ZNF699: variants seen among roughly 807,000 people sequenced by gnomAD.
ZNF699 encodes the protein hangover homolog.
Under a neutral mutation model 22.5 loss-of-function variants are expected in ZNF699, and 18 were observed. That is an observed-to-expected ratio of 0.80 (90% CI 0.55 to 1.19). The LOEUF (loss-of-function observed/expected upper bound fraction) is 1.19, where lower values mean the gene tolerates loss of function less well. Ranked by LOEUF, ZNF699 falls within the 50% of genes most tolerant of loss-of-function variation. ZNF699 has a pLI of 0.00. For synonymous variants in ZNF699, 241 were observed against 262.3 expected (o/e 0.92, Z 0.78); for missense variants, 670 against 763.4 (o/e 0.88, Z 1.44).
At chr19:9,304,933 A>C (rs2066321765) in intron 2 of ZNF699, 139 bp downstream of exon 2, 2 of 602,538 alleles carry the variant, frequency 3.3e-6, no homozygotes, top group East Asian at 3.3e-5. Context: ...AAAAAAAAAA[A>C]AAAAAAACTA....
In ZNF699 at chr19:9,296,059, A is replaced by C; in HGVS notation, c.1345T>G (p.Cys449Gly). Residue 449 changes from cysteine (C) to glycine (G), a missense_variant, in exon 6 of 6, where the codon TGT becomes GGT. Cys to Gly is a radical substitution (Grantham distance 159). Coordinates refer to ENST00000591998, the MANE Select transcript of ZNF699 (RefSeq NM_198535.3). The part of the protein sequence containing the change: ...KNQSREKPYE[C>G]KECGKAFSCP... ...CTAAAGGCCTTCCCACATTCCTTAC[A>C]TTCATAGGGTTTCTCTCGACTTTGA... 1 of 1,614,136 alleles carries C rather than the reference A, an allele frequency of 6.2e-7. No individual in the cohort carries two copies. Among genetic ancestry groups the C allele is most frequent in the African/African-American group, 1.3e-5 (1 of 75,026 alleles).
Position 9,295,046 on chromosome 19 carries a change from CT to C in ZNF699, c.*428del, listed in dbSNP as rs2066279399. On this transcript the variant is annotated 3_prime_UTR_variant, in exon 6 of 6. Transcript: ENST00000591998. ...CTTTTTTAAAAAAGACCACTGCTGC[CT>C]ATACAGAAAAAATATTTCGTGTCCT... 1.8e-5 allele frequency: 3 copies of C among 164,400 alleles called. No individual in the cohort carries two copies. Among genetic ancestry groups the C allele is most frequent in the Admixed American group, 1.8e-4 (3 of 16,548 alleles). 10.2% of individuals were successfully genotyped at this position (164,400 alleles called of 1,614,324 possible).
Position 9,294,446 on chromosome 19 carries a change from A to G in ZNF699, c.*1029T>C, listed in dbSNP as rs1000541152. On this transcript the variant is annotated 3_prime_UTR_variant, in exon 6 of 6. Transcript: ENST00000591998. ...ACCATCACGTCCAGCTATAACATTCAGTTTTGAGCAAATATTGATCAATGA... is the reference window on the plus strand; with the variant it reads ...ACCATCACGTCCAGCTATAACATTCGGTTTTGAGCAAATATTGATCAATGA... 2.0e-5 allele frequency: 3 copies of G among 152,140 alleles called. No homozygotes were observed. Among genetic ancestry groups the G allele is most frequent in the East Asian group, 3.8e-4 (2 of 5,200 alleles). The allele number at this position is 152,140 out of a possible 1,614,324, so 9.4% of individuals were successfully genotyped here.
intron 2 of ZNF699, among the ~76,000 whole-genome samples, chr19:9,304,745 G>A (rs1195795606): frequency 6.6e-6 from 1 of 152,076 alleles, no homozygotes; most frequent in African/African-American, 2.4e-5. Context: ...CCAACATGGT[G>A]AAACCCCATC....
In ZNF699 at chr19:9,295,239, GA is replaced by G; in HGVS notation, c.*235del. On this transcript the variant is annotated 3_prime_UTR_variant, in exon 6 of 6. Coordinates refer to ENST00000591998, the MANE Select transcript of ZNF699 (RefSeq NM_198535.3). The stretch of plus-strand genomic sequence containing the variant: ...CAACGAGCCAGCATTCTACTTTAAG[GA>G]TGAGGCACTGATCTTCATTTCTAGT... The G allele has an allele frequency of 2.0e-6, 1 of 505,732 alleles. No individual in the cohort carries two copies. The highest frequency in any genetic ancestry group is 3.7e-5 in the Admixed American group (1 of 27,120). The allele number at this position is 505,732 out of a possible 1,614,324, so 31.3% of individuals were successfully genotyped here. A position where few individuals can be genotyped will look rare whatever the true frequency, so the allele number is the denominator to read the frequency against.
At position 9,302,376 on chromosome 19, in the gene ZNF699, A is replaced by C; in HGVS notation, c.175+2T>G. ...TACATGAAAGAATCTTGCCATTCTT[A>C]CCTAGTGAGGCCAGGTTCTGGAAGT... On this transcript the variant is annotated splice_donor_variant, in intron 3 of 5. Coordinates refer to ENST00000591998, the MANE Select transcript of ZNF699 (RefSeq NM_198535.3). LOFTEE classifies it high-confidence loss of function. 6.2e-7 allele frequency: 1 copy of C among 1,613,642 alleles called. No individual in the cohort carries two copies. The highest frequency in any genetic ancestry group is 8.5e-7 in the Non-Finnish European group (1 of 1,179,660).
chr19:9,295,762 T>G lies in ZNF699; in HGVS notation c.1642A>C (p.Ile548Leu), dbSNP rs1473846704. The change falls in exon 6 of 6, where the codon ATC becomes CTC. Residue 548 changes from isoleucine (I) to leucine (L), a missense_variant. Coordinates refer to ENST00000591998, the MANE Select transcript of ZNF699 (RefSeq NM_198535.3). ...TCCCCAGTGTGCGTTCTCATGTGGA[T>G]CCTAAGGGCTGAGGGATAAATAAAG... ...KAFIYPSALR[I>L]HMRTHTGEKP... 6.2e-7 allele frequency: 1 copy of G among 1,613,910 alleles called. No individual in the cohort carries two copies. Among genetic ancestry groups the G allele is most frequent in the South Asian group, 1.1e-5 (1 of 91,058 alleles).
Position 9,297,809 on chromosome 19 carries a change from G to GT in ZNF699, c.286+70dup. 2 of 1,207,578 alleles carry GT rather than the reference G, an allele frequency of 1.7e-6. No individual in the cohort carries two copies. Among genetic ancestry groups the GT allele is most frequent in the Admixed American group, 3.6e-5 (2 of 56,288 alleles). The allele number at this position is 1,207,578 out of a possible 1,614,324, so 74.8% of individuals were successfully genotyped here. A position where few individuals can be genotyped will look rare whatever the true frequency, so the allele number is the denominator to read the frequency against. On this transcript the variant is annotated intron_variant, in intron 4 of 5. Transcript: ENST00000591998. The surrounding 1 kb of genome is among the most constrained non-coding windows in gnomAD (Gnocchi z 4.3). ...GATGAGCTTCCTCATATAAAACAAA[G>GT]TTTGTTTTTGTTTTTTACTTTAAGT...
chr19:9,297,871 G>A lies in ZNF699; in HGVS notation c.286+9C>T, dbSNP rs1320850414. On this transcript the variant is annotated intron_variant, in intron 4 of 5. Transcript: ENST00000591998. The surrounding 1 kb of genome is among the most constrained non-coding windows in gnomAD (Gnocchi z 4.3). ...CCCAACCAAAACAGTTTCTCCCAAG[G>A]GTTCTTGCCTTCCCGGTGCTCTCCC... The A allele has an allele frequency of 3.7e-6, 6 of 1,601,358 alleles. 1 individual carries two copies. The highest frequency in any genetic ancestry group is 5.1e-6 in the Non-Finnish European group (6 of 1,169,238).
Position 9,295,863 on chromosome 19 carries a change from C to G in ZNF699, c.1541G>C (p.Ser514Thr). The G allele has an allele frequency of 6.2e-7, 1 of 1,613,502 alleles. No individual in the cohort carries two copies. The highest frequency in any genetic ancestry group is 8.5e-7 in the Non-Finnish European group (1 of 1,179,824). Residue 514 changes from serine (S) to threonine (T), a missense_variant, in exon 6 of 6, where the codon AGT becomes ACT. Transcript: ENST00000591998. Reference sequence around the variant, plus strand: ...GATATGTACTGTAAGGTGGGAGGAACTAATAAAGGCTTTCCCACATTCTTT... The same window carrying G: ...GATATGTACTGTAAGGTGGGAGGAAGTAATAAAGGCTTTCCCACATTCTTT... ...ECKECGKAFI[S>T]SSHLTVHIRT...
At position 9,295,901 on chromosome 19, in the gene ZNF699, C is replaced by G; in HGVS notation, c.1503G>C (p.Lys501Asn). ...TCCCACATTCTTTACATTCATACGG[C>G]TTCTCTCCGCTGTGAGTTCTTAGGT... ...TEHLRTHSGE[K>N]PYECKECGKA... is the part of the protein sequence containing the mutation. The change falls in exon 6 of 6, where the codon AAG becomes AAC. Residue 501 changes from lysine (K) to asparagine (N), a missense_variant. By Grantham distance (94) the Lys-to-Asn change is moderately conservative. Transcript: ENST00000591998. 1 of 1,613,764 alleles carries G rather than the reference C, an allele frequency of 6.2e-7. No individual in the cohort carries two copies.
chr19:9,302,060 G>A (rs763752934), intron 3 of ZNF699, among the ~76,000 whole-genome samples: 1 of 151,866 alleles, frequency 6.6e-6, no homozygotes, highest in Admixed American at 6.6e-5. Flanking sequence ...GCACCACCAC[G>A]CCTGGCTAAT....
Position 9,291,713 on chromosome 19 carries a change from T to TC in ZNF699, c.*3761_*3762insG, listed in dbSNP as rs1160445607. On this transcript the variant is annotated 3_prime_UTR_variant, in exon 6 of 6. Transcript: ENST00000591998. ...TTAAAGATTAAGCAGCAATCTTTTT[T>TC]TTTTTTTTTTTTTGACACGGAGTCT... 1 of 151,068 alleles carries TC rather than the reference T, an allele frequency of 6.6e-6. No homozygotes were observed. The highest frequency in any genetic ancestry group is 1.9e-4 in the East Asian group (1 of 5,168). 9.4% of individuals were successfully genotyped at this position (151,068 alleles called of 1,614,324 possible). A position where few individuals can be genotyped will look rare whatever the true frequency, so the allele number is the denominator to read the frequency against.
rs768391775 is a variant in ZNF699, at chr19:9,292,343, A to G, written c.*3132T>C. Among the ~76,000 whole-genome samples, 4 of 152,194 alleles carry G rather than the reference A, an allele frequency of 2.6e-5. No homozygotes were observed. In the South Asian group the frequency reaches 8.3e-4, roughly 32 times the overall value. On this transcript the variant is annotated 3_prime_UTR_variant, in exon 6 of 6. Transcript: ENST00000591998. ...CTAGAGTACAGTGGGCAAGTGAGCCAATCAGAGCCAACGAGATTCAATTCT... is the reference window on the plus strand; with the variant it reads ...CTAGAGTACAGTGGGCAAGTGAGCCGATCAGAGCCAACGAGATTCAATTCT...
Position 9,295,567 on chromosome 19 carries a change from T to C in ZNF699, c.1837A>G (p.Lys613Glu). ...CCACATTCCTTACATTCATAGGGTT[T>C]CTCTCCAGTGTGGCTTCTCACATGC... ...RRHVRSHTGE[K>E]PYECKECGKA... Residue 613 changes from lysine to glutamate, a missense_variant, in exon 6 of 6, where the codon AAA becomes GAA. By Grantham distance (56) the Lys-to-Glu change is moderately conservative (BLOSUM62 1). Coordinates refer to ENST00000591998, the MANE Select transcript of ZNF699 (RefSeq NM_198535.3). 1 of 1,614,200 alleles carries C rather than the reference T, an allele frequency of 6.2e-7. No homozygotes were observed. Among genetic ancestry groups the C allele is most frequent in the South Asian group, 1.1e-5 (1 of 91,082 alleles).
In ZNF699 at chr19:9,293,928, T is replaced by TAAA. The variant is rs144833884; in HGVS notation, c.*1544_*1546dup. 9.1e-5 allele frequency among the ~76,000 whole-genome samples: 13 copies of TAAA among 142,860 alleles called. No individual in the cohort carries two copies. The highest frequency in any genetic ancestry group is 3.6e-3 in the Middle Eastern group (1 of 280). The allele number at this position is 142,860 out of a possible 152,430, so 93.7% of individuals were successfully genotyped here. A position where few individuals can be genotyped will look rare whatever the true frequency, so the allele number is the denominator to read the frequency against. ...CTGAAGCAATTCATCTTCTTACATT[T>TAAA]AAAAAAAAAAAAAAAGCAGTAAAAT... On this transcript the variant is annotated 3_prime_UTR_variant, in exon 6 of 6. Coordinates refer to ENST00000591998, the MANE Select transcript of ZNF699 (RefSeq NM_198535.3).
Position 9,296,305 on chromosome 19 carries a change from C to A in ZNF699, c.1099G>T (p.Glu367Ter), listed in dbSNP as rs779316126. ...GACTCGCTGAAGGCCTTCCCACACT[C>A]TTTACATTCATAAGGCTTCTCTCCA... ...HTGEKPYECK[E>*]CGKAFSESSK... is the part of the protein sequence containing the mutation. The change falls in exon 6 of 6, where the codon GAG becomes TAG. Residue 367 changes from glutamate (E) to a stop codon, truncating the protein, a stop_gained. Transcript: ENST00000591998. LOFTEE classifies it low-confidence loss of function (END_TRUNC). 6 of 1,613,870 alleles carry A rather than the reference C, an allele frequency of 3.7e-6. No individual in the cohort carries two copies. Among genetic ancestry groups the A allele is most frequent in the Non-Finnish European group, 5.1e-6 (6 of 1,179,950 alleles).
intron 1 of ZNF699, among the ~76,000 whole-genome samples, chr19:9,308,734 A>G (rs2066336592): frequency 6.6e-6 from 1 of 152,262 alleles, no homozygotes; most frequent in African/African-American, 2.4e-5. Flanking sequence ...GAAACAAGAC[A>G]GGATGTAAAT....
chr19:9,298,147 A>T (rs576775957), intron 3 of ZNF699, among the ~76,000 whole-genome samples, 157 bp from the exon 4 acceptor site: 341 of 151,650 alleles, frequency 2.2e-3, no homozygotes, highest in Non-Finnish European at 3.5e-3. Context: ...TTTTTTTTTT[A>T]AAAAAAGGAG....
Sources: gnomAD v4.1 joint callset for allele counts (sites outside exome capture counted in the v4.1 genomes callset) on GRCh38, gnomAD v4.1.1 for gene constraint, Gnocchi (gnomAD v3.1) non-coding constraint, MANE v1.5 for transcripts, NCBI Gene and HGNC (gene_info 2026-07-23, HGNC 2026-07-21) for gene names.